Variants in RIMS2 observed in about 807,000 individuals in gnomAD.
RIMS2 encodes regulating synaptic membrane exocytosis protein 2.
Under a neutral mutation model 174.4 loss-of-function variants are expected in RIMS2, and 59 were observed. That is an observed-to-expected ratio of 0.34 (90% CI 0.27 to 0.42). RIMS2 has a LOEUF of 0.42. Ranked by LOEUF, RIMS2 falls within the 10% of genes least tolerant of loss-of-function variation. RIMS2 has a pLI of 1.00. For synonymous variants in RIMS2, 606 were observed against 572.5 expected (o/e 1.06, Z -0.84); for missense variants, 1,620 against 1,666.3 (o/e 0.97, Z 0.48).
chr8:103,568,733 A>G, intron 1 of RIMS2: 1 of 966,712 alleles, frequency 1.0e-6, no homozygotes, highest in Non-Finnish European at 1.6e-6. Flanking sequence ...TAGCCTATAA[A>G]GCAGCTGTAG....
intron 1 of RIMS2, among the ~76,000 whole-genome samples, chr8:103,612,868 C>T (rs6983711): frequency 0.18 from 27,626 of 152,068 alleles, 2,734 homozygotes; most frequent in African/African-American, 0.25. Context: ...TGCACCTGGC[C>T]AAGACTCTTG....
chr8:104,237,747 G>A (rs1486258901), intron 19 of RIMS2, among the ~76,000 whole-genome samples: 1 of 152,050 alleles, frequency 6.6e-6, no homozygotes, highest in East Asian at 1.9e-4. Context: ...TGTTTTAATT[G>A]TAAATGCAGA....
intron 19 of RIMS2, among the ~76,000 whole-genome samples, chr8:104,164,433 G>GT (rs2098784193): frequency 5.9e-5 from 9 of 152,004 alleles, no homozygotes; most frequent in Non-Finnish European, 1.0e-4. Context: ...GGACAAAAAT[G>GT]TTTTTTACAC....
At chr8:104,234,734 T>G (rs1291332959) in intron 19 of RIMS2, among the ~76,000 whole-genome samples, 2 of 152,168 alleles carry the variant, frequency 1.3e-5, no homozygotes, top group Admixed American at 1.3e-4. Flanking sequence ...GTCTTGTTTC[T>G]CATTAAAAGT....
At chr8:103,896,176 C>T (rs140659922) in intron 4 of RIMS2, among the ~76,000 whole-genome samples, 32 of 151,686 alleles carry the variant, frequency 2.1e-4, no homozygotes, top group African/African-American at 4.4e-4. Context: ...TGTTGGACCA[C>T]GCCTTAGGCT....
chr8:103,541,971 C>T (rs1053916419), intron 1 of RIMS2, among the ~76,000 whole-genome samples: 2 of 151,906 alleles, frequency 1.3e-5, no homozygotes, highest in African/African-American at 2.4e-5. Context: ...GGAATCAAAG[C>T]ACACCACTAC....
At position 103,915,526 on chromosome 8, in the gene RIMS2, G is replaced by A. The variant is rs915102284; in HGVS notation, c.1844G>A (p.Arg615Gln). Residue 615 changes from arginine to glutamine, a missense_variant, in exon 7 of 24, where the codon CGG (arginine) becomes CAG (glutamine). By Grantham distance (43) the Arg-to-Gln change is conservative. Coordinates refer to ENST00000504942, the Ensembl canonical transcript of RIMS2. ...GGAGGAAAGATGACTGAATCAGGTC[G>A]GCTTTGTGCATTTATTACTAAAGTA... 6.2e-6 allele frequency: 10 copies of A among 1,605,050 alleles called. No homozygotes were observed. In the Admixed American group the frequency reaches 8.4e-5, roughly 13 times the overall value.
intron 1 of RIMS2, among the ~76,000 whole-genome samples, chr8:103,588,563 G>T (rs1259916648): frequency 6.6e-6 from 1 of 151,692 alleles, no homozygotes; most frequent in African/African-American, 2.4e-5. Flanking sequence ...AAACAGACAT[G>T]TAGACCAATG....
At chr8:103,910,129 C>G in intron 4 of RIMS2, 192 bp from the exon 8 acceptor site, 1 of 1,597,208 alleles carries the variant, frequency 6.3e-7, no homozygotes, top group Non-Finnish European at 8.6e-7. Flanking sequence ...GTCTGACTCT[C>G]ACAGGAGACA....
At chr8:103,803,701 T>C (rs1014449992) in intron 3 of RIMS2, among the ~76,000 whole-genome samples, 3 of 152,200 alleles carry the variant, frequency 2.0e-5, no homozygotes, top group South Asian at 2.1e-4. Context: ...ATGTCTTCAA[T>C]TGGAGCAAGA....
chr8:103,868,070 T>C (rs2099092076), intron 3 of RIMS2, among the ~76,000 whole-genome samples: 1 of 152,112 alleles, frequency 6.6e-6, no homozygotes, highest in Admixed American at 6.5e-5. Context: ...CCAACATTTA[T>C]TAGACATCTT....
intron 19 of RIMS2, among the ~76,000 whole-genome samples, chr8:104,239,487 T>C (rs1280373110): frequency 6.6e-6 from 1 of 152,164 alleles, no homozygotes; most frequent in African/African-American, 2.4e-5. Context: ...GGGCCTTACC[T>C]GAGTATTTTT....
intron 3 of RIMS2, among the ~76,000 whole-genome samples, chr8:103,827,273 C>G (rs935826577): frequency 6.6e-6 from 1 of 152,102 alleles, no homozygotes; most frequent in African/African-American, 2.4e-5. Context: ...GAGTTGTTTG[C>G]TGCTAGTATA....
intron 1 of RIMS2, among the ~76,000 whole-genome samples, chr8:103,584,071 G>T (rs1244110814): frequency 1.3e-5 from 2 of 152,126 alleles, no homozygotes; most frequent in African/African-American, 4.8e-5. Flanking sequence ...CAAGGATAAA[G>T]AAAGGATCCG....
At chr8:103,772,877 C>G (rs1049467719) in intron 3 of RIMS2, among the ~76,000 whole-genome samples, 5 of 152,078 alleles carry the variant, frequency 3.3e-5, no homozygotes, top group Admixed American at 2.0e-4. Flanking sequence ...ACAAATGGTG[C>G]TGGAATAACT....
chr8:103,841,359 T>C (rs2098938743), intron 3 of RIMS2, among the ~76,000 whole-genome samples: 1 of 152,198 alleles, frequency 6.6e-6, no homozygotes, highest in Non-Finnish European at 1.5e-5. Context: ...CTCTCTCTCA[T>C]ACATATTACT....
chr8:103,566,173 A>G (rs796407976), intron 1 of RIMS2, among the ~76,000 whole-genome samples: 23 of 152,234 alleles, frequency 1.5e-4, no homozygotes, highest in African/African-American at 5.1e-4. Context: ...GCCATGTTAG[A>G]TCTAGCTTGT....
At chr8:104,054,398 A>G (rs1360409305) in intron 19 of RIMS2, among the ~76,000 whole-genome samples, 3 of 152,162 alleles carry the variant, frequency 2.0e-5, no homozygotes, top group Non-Finnish European at 4.4e-5. Context: ...AAGCATGAGT[A>G]CTATTAAAAT....
At chr8:103,595,772 C>A (rs1454900115) in intron 1 of RIMS2, among the ~76,000 whole-genome samples, 15 of 151,922 alleles carry the variant, frequency 9.9e-5, no homozygotes, top group Admixed American at 9.9e-4. Flanking sequence ...TGATTTACCT[C>A]AACCCTCCAA....
Sources: allele counts gnomAD v4.1 joint callset (sites outside exome capture counted in the v4.1 genomes callset), GRCh38; gene constraint gnomAD v4.1.1; transcripts MANE v1.5; gene names NCBI Gene and HGNC (gene_info 2026-07-23, HGNC 2026-07-21).